The following NR3C2 variants were observed in gnomAD, a reference collection of about 807,000 sequenced individuals.
NR3C2 encodes the protein mineralocorticoid receptor.
Under a neutral mutation model 86.4 loss-of-function variants are expected in NR3C2, and 15 were observed. The ratio of observed to expected loss-of-function variants is 0.17; its 90% CI spans 0.12 to 0.27. NR3C2 has a LOEUF of 0.27. Among genes scored for constraint, NR3C2 ranks in the 10% least tolerant of loss-of-function variants. The pLI is 1.00. For synonymous variants in NR3C2, 458 were observed against 450.5 expected, an observed-to-expected ratio of 1.02 and a Z score of -0.21; for missense variants, 960 against 1,195.6, an observed-to-expected ratio of 0.80 and a Z score of 2.91.
intron 3 of NR3C2, among the ~76,000 whole-genome samples, chr4:148,199,457 G>T (rs1230304868): frequency 1.3e-5 from 2 of 151,960 alleles, no homozygotes; most frequent in Non-Finnish European, 2.9e-5. Flanking sequence ...TATTTCTCTC[G>T]CTATCTCTTT....
chr4:148,400,042 C>T lies in NR3C2; in HGVS notation c.1757+35062G>A, dbSNP rs139323757. ...GAAACTCTTTGTATTTTAAGCCATA[C>T]AATTTAAAACGTTTTATGTCTCTCT... On this transcript the variant is annotated intron_variant, in intron 2 of 8. Transcript: ENST00000358102. Among the ~76,000 whole-genome samples, 322 of 152,314 alleles carry T rather than the reference C, an allele frequency of 2.1e-3. 1 individual carries two copies. The highest frequency in any genetic ancestry group is 7.3e-3 in the African/African-American group (305 of 41,562).
chr4:148,283,632 T>C (rs1579104715), intron 2 of NR3C2, among the ~76,000 whole-genome samples: 1 of 152,340 alleles, frequency 6.6e-6, no homozygotes, highest in Admixed American at 6.5e-5. Context: ...ACCCTTTTCA[T>C]AGTTCAGTTG....
intron 2 of NR3C2, among the ~76,000 whole-genome samples, chr4:148,385,745 C>T (rs1212411353): frequency 6.6e-6 from 1 of 152,124 alleles, no homozygotes; most frequent in Admixed American, 6.6e-5. Flanking sequence ...CACATACTCC[C>T]CCATGCCACC....
chr4:148,197,935 G>GT (rs1343500799), intron 3 of NR3C2, among the ~76,000 whole-genome samples: 1 of 152,024 alleles, frequency 6.6e-6, no homozygotes, highest in Non-Finnish European at 1.5e-5. Flanking sequence ...TCATCCATCC[G>GT]TGTACTCGAG....
At chr4:148,215,594 C>T (rs1488335097) in intron 3 of NR3C2, among the ~76,000 whole-genome samples, 1 of 152,050 alleles carries the variant, frequency 6.6e-6, no homozygotes, top group African/African-American at 2.4e-5. Context: ...ATTTATGTGC[C>T]CTTCAACATA....
Position 148,164,017 on chromosome 4 carries a change from G to A in NR3C2, c.2015-9116C>T, listed in dbSNP as rs142758022. Among the ~76,000 whole-genome samples the A allele has an allele frequency of 4.3e-3, 658 of 152,260 alleles. 4 individuals carry two copies. The highest frequency in any genetic ancestry group is 7.6e-3 in the Non-Finnish European group (519 of 68,012). On this transcript the variant is annotated intron_variant, in intron 4 of 8. Transcript: ENST00000358102. ...GAGAAGAGGATCGACAGCTAAAATG[G>A]CTTTTCTAAATTATCTATAAGGTCA...
chr4:148,273,158 C>T (rs1320637244), intron 2 of NR3C2, among the ~76,000 whole-genome samples: 1 of 152,108 alleles, frequency 6.6e-6, no homozygotes. Context: ...GATGAAATCT[C>T]CTATGTTTGA....
intron 2 of NR3C2, among the ~76,000 whole-genome samples, chr4:148,293,435 G>C (rs1057167886): frequency 6.6e-6 from 1 of 152,296 alleles, no homozygotes; most frequent in African/African-American, 2.4e-5. Context: ...GAAACTCCCA[G>C]GCAGTGACTC....
chr4:148,269,580 T>TA (rs1193206657), intron 2 of NR3C2, among the ~76,000 whole-genome samples: 1 of 152,168 alleles, frequency 6.6e-6, no homozygotes, highest in African/African-American at 2.4e-5. Context: ...CGAGCATGCA[T>TA]ATGCCAATCA....
chr4:148,423,999 C>T (rs989524700), intron 2 of NR3C2, among the ~76,000 whole-genome samples: 1 of 152,222 alleles, frequency 6.6e-6, no homozygotes, highest in Non-Finnish European at 1.5e-5. Flanking sequence ...AGGCGTGAGC[C>T]ACCACGCCCA....
At chr4:148,133,901 A>C (rs1733153837) in intron 6 of NR3C2, among the ~76,000 whole-genome samples, 1 of 152,232 alleles carries the variant, frequency 6.6e-6, no homozygotes, top group Non-Finnish European at 1.5e-5. Flanking sequence ...CTTGAAGTCT[A>C]TGATCCCGTA....
chr4:148,366,266 T>A (rs948071383), intron 2 of NR3C2, among the ~76,000 whole-genome samples: 1 of 152,062 alleles, frequency 6.6e-6, no homozygotes, highest in Non-Finnish European at 1.5e-5. Flanking sequence ...TTTGTTTCCA[T>A]GCCTTTCCCC....
chr4:148,178,771 C>T (rs1311527559), intron 4 of NR3C2, among the ~76,000 whole-genome samples: 1 of 151,270 alleles, frequency 6.6e-6, no homozygotes, highest in Admixed American at 6.6e-5. Flanking sequence ...TCTGGACCCT[C>T]CTCTTGGGAA....
intron 3 of NR3C2, among the ~76,000 whole-genome samples, chr4:148,225,857 C>T (rs1738130695): frequency 6.6e-6 from 1 of 152,080 alleles, no homozygotes; most frequent in African/African-American, 2.4e-5. Context: ...ATCTGGCACT[C>T]GACTGTATCA....
At chr4:148,216,508 A>G (rs542294518) in intron 3 of NR3C2, among the ~76,000 whole-genome samples, 2 of 152,322 alleles carry the variant, frequency 1.3e-5, no homozygotes, top group East Asian at 3.9e-4. Flanking sequence ...TTTGAGCCCA[A>G]GCAGACAGGC....
chr4:148,294,995 T>A (rs922174283), intron 2 of NR3C2, among the ~76,000 whole-genome samples: 1 of 151,822 alleles, frequency 6.6e-6, no homozygotes, highest in Admixed American at 6.6e-5. Context: ...TCTAAAAAAA[T>A]AAAAATAAAA....
At chr4:148,266,417 C>A (rs1740401777) in intron 2 of NR3C2, among the ~76,000 whole-genome samples, 1 of 152,148 alleles carries the variant, frequency 6.6e-6, no homozygotes, top group African/African-American at 2.4e-5. Flanking sequence ...GAGTAGCCAG[C>A]CACGTGAAGG....
At chr4:148,250,506 G>A (rs569987393) in intron 3 of NR3C2, among the ~76,000 whole-genome samples, 2 of 152,178 alleles carry the variant, frequency 1.3e-5, no homozygotes, top group African/African-American at 2.4e-5. Flanking sequence ...CCTTCCCCAG[G>A]CTTTTAATTT....
chr4:148,200,305 A>G (rs1046331407), intron 3 of NR3C2, among the ~76,000 whole-genome samples: 1 of 152,118 alleles, frequency 6.6e-6, no homozygotes, highest in Non-Finnish European at 1.5e-5. Flanking sequence ...AATGTCTCTG[A>G]CACTTCAATC....
Sources: allele counts gnomAD v4.1 joint callset (sites outside exome capture counted in the v4.1 genomes callset), GRCh38; gene constraint gnomAD v4.1.1; transcripts MANE v1.5; gene names NCBI Gene and HGNC (gene_info 2026-07-23, HGNC 2026-07-21).